Variants in DYNLT2 observed in about 807,000 individuals in gnomAD.
The protein encoded by DYNLT2 is dynein light chain Tctex-type 2.
In DYNLT2, 24 loss-of-function variants were observed where a neutral mutation model predicts 24.3. That is an observed-to-expected ratio of 0.99 (90% confidence interval 0.71 to 1.39). The LOEUF (loss-of-function observed/expected upper bound fraction) is 1.39. Among genes scored for constraint, DYNLT2 ranks in the 40% most tolerant of loss-of-function variants. The probability of loss-of-function intolerance (pLI) is 0.00; values close to 1 mark genes in which losing one functional copy is unlikely to be tolerated. For synonymous variants in DYNLT2, 85 were observed against 85.4 expected (o/e 1.00, Z 0.03); for missense variants, 246 against 234.5 (o/e 1.05, Z -0.32).
At chr6:169,746,093 T>G (rs951490980) in intron 1 of DYNLT2, among the ~76,000 whole-genome samples, 2 of 152,216 alleles carry the variant, frequency 1.3e-5, no homozygotes, top group African/African-American at 2.4e-5. Flanking sequence ...ATATTTATAG[T>G]GTTCATGTAA....
the DYNLT2 span, among the ~76,000 whole-genome samples, chr6:169,727,859 A>G: frequency 2.6e-5 from 4 of 152,220 alleles, no homozygotes; most frequent in African/African-American, 4.8e-5. Context: ...CACTGCACCC[A>G]GCCAACTTGA....
the DYNLT2 span, among the ~76,000 whole-genome samples, chr6:169,728,108 T>C: frequency 3.3e-5 from 5 of 152,186 alleles, no homozygotes; most frequent in Admixed American, 6.5e-5. Flanking sequence ...CCTACTTGGA[T>C]TCAGGCTTGG....
chr6:169,733,133 GT>G, the DYNLT2 span, among the ~76,000 whole-genome samples: 107 of 147,992 alleles, frequency 7.2e-4, no homozygotes, highest in African/African-American at 2.2e-3. Flanking sequence ...TGATGGGGTT[GT>G]TTTTTTTTTC....
At chr6:169,751,183 G>C in intron 1 of DYNLT2, 156 bp downstream of exon 1, 1 of 1,191,850 alleles carries the variant, frequency 8.4e-7, no homozygotes, top group Non-Finnish European at 1.2e-6. Flanking sequence ...TCAGTCTCAG[G>C]CTTCAATTTC....
chr6:169,729,810 A>G, the DYNLT2 span, among the ~76,000 whole-genome samples: 76 of 151,732 alleles, frequency 5.0e-4, no homozygotes, highest in African/African-American at 1.8e-3. Flanking sequence ...ACCCCCACCA[A>G]GGAAAGACCA....
At chr6:169,725,523 T>C in the DYNLT2 span, 2 of 393,226 alleles carry the variant, frequency 5.1e-6, no homozygotes, top group Non-Finnish European at 9.0e-6. Flanking sequence ...CTTGCCTCTG[T>C]CCCACCACGT....
intron 1 of DYNLT2, 41 bp from the exon 2 acceptor site, chr6:169,744,315 G>T (rs1276696373): frequency 1.9e-6 from 3 of 1,550,130 alleles, no homozygotes; most frequent in South Asian, 1.1e-5. Flanking sequence ...AAGGCAGAAA[G>T]ATTACTTTTT....
At chr6:169,725,383 C>A in the DYNLT2 span, 1 of 398,306 alleles carries the variant, frequency 2.5e-6, no homozygotes, top group Non-Finnish European at 4.4e-6. Context: ...TTGACAAACA[C>A]CGACGTTAAC....
chr6:169,749,110 C>CT (rs2128336756), intron 1 of DYNLT2, among the ~76,000 whole-genome samples: 1 of 149,906 alleles, frequency 6.7e-6, no homozygotes, highest in Non-Finnish European at 1.5e-5. Context: ...TTTTTTTTTT[C>CT]TTTTCTGAGA....
the DYNLT2 span, among the ~76,000 whole-genome samples, chr6:169,729,351 C>A: frequency 3.3e-5 from 5 of 152,126 alleles, no homozygotes; most frequent in Admixed American, 2.0e-4. Flanking sequence ...TTTTCAAATT[C>A]CCTAATCACA....
chr6:169,740,057 A>G (rs1025313846), downstream of DYNLT2: 12 of 615,352 alleles, frequency 2.0e-5, no homozygotes, highest in Admixed American at 2.2e-4. Flanking sequence ...TTAAAATAAT[A>G]CAATTGAAAG....
downstream of DYNLT2, chr6:169,740,079 G>A: frequency 4.0e-6 from 3 of 746,472 alleles, no homozygotes; most frequent in Non-Finnish European, 6.6e-6. Flanking sequence ...CCTCAAATGA[G>A]AATAAGAATA....
intron 1 of DYNLT2, among the ~76,000 whole-genome samples, chr6:169,747,422 G>A (rs1212684554): frequency 6.6e-6 from 1 of 151,850 alleles, no homozygotes; most frequent in Non-Finnish European, 1.5e-5. Context: ...ACCTCTTTGG[G>A]GACTCAAATT....
intron 1 of DYNLT2, chr6:169,750,628 G>A (rs1789975910): frequency 6.6e-6 from 1 of 152,204 alleles, no homozygotes; most frequent in Non-Finnish European, 1.5e-5. Context: ...CTAGCATACA[G>A]GTTCTGGTCC....
intron 3 of DYNLT2, among the ~76,000 whole-genome samples, chr6:169,742,724 G>A (rs1423821836): frequency 1.3e-5 from 2 of 151,836 alleles, no homozygotes; most frequent in South Asian, 2.1e-4. Flanking sequence ...TTAGCCTCCC[G>A]AGTAGCTGGG....
chr6:169,746,985 T>A (rs937995516), intron 1 of DYNLT2, among the ~76,000 whole-genome samples: 4 of 149,284 alleles, frequency 2.7e-5, no homozygotes, highest in African/African-American at 9.8e-5. Context: ...TCCTGTGACC[T>A]CACTTTTTTC....
intron 3 of DYNLT2, among the ~76,000 whole-genome samples, chr6:169,742,058 C>T (rs1789691616): frequency 6.6e-6 from 1 of 152,272 alleles, no homozygotes; most frequent in South Asian, 2.1e-4. Context: ...CTTTTTCTCT[C>T]TTTTCTCTCC....
downstream of DYNLT2, among the ~76,000 whole-genome samples, chr6:169,738,032 A>G (rs540924763): frequency 3.3e-5 from 5 of 152,304 alleles, no homozygotes; most frequent in African/African-American, 1.2e-4. Context: ...CCTGCAGGAA[A>G]GCCACTGAGG....
At chr6:169,746,621 C>G in intron 1 of DYNLT2, among the ~76,000 whole-genome samples, 1 of 152,088 alleles carries the variant, frequency 6.6e-6, no homozygotes. Flanking sequence ...TGTGATAATT[C>G]CAACATCCCT....
Sources: gnomAD v4.1 joint callset for allele counts (sites outside exome capture counted in the v4.1 genomes callset) on GRCh38, gnomAD v4.1.1 for gene constraint, MANE v1.5 for transcripts, NCBI Gene and HGNC (gene_info 2026-07-23, HGNC 2026-07-21) for gene names.